ADAMTS6: variants seen among roughly 807,000 people sequenced by gnomAD.
The protein encoded by ADAMTS6 is ADAM metallopeptidase with thrombospondin type 1 motif 6, also known as A disintegrin and metalloproteinase with thrombospondin motifs 6.
In ADAMTS6, 23 loss-of-function variants were observed where a neutral mutation model predicts 144.3. That is an observed-to-expected ratio of 0.16 (90% CI 0.11 to 0.23). The LOEUF (loss-of-function observed/expected upper bound fraction) is 0.23. ADAMTS6 is among the 10% of genes least tolerant of loss of function. The pLI is 1.00. For missense variants in ADAMTS6, 999 were observed against 1,379.6 expected (o/e 0.72, Z 4.37); for synonymous variants, 444 against 457.5 (o/e 0.97, Z 0.38).
At chr5:65,174,224 C>T (rs1002963256) in intron 22 of ADAMTS6, among the ~76,000 whole-genome samples, 5 of 152,130 alleles carry the variant, frequency 3.3e-5, no homozygotes, top group Non-Finnish European at 5.9e-5. Flanking sequence ...AGCTCCTGGC[C>T]GAATAAAGCC....
chr5:65,271,756 T>C (rs1188712799), intron 12 of ADAMTS6, among the ~76,000 whole-genome samples: 4 of 152,180 alleles, frequency 2.6e-5, no homozygotes, highest in Admixed American at 2.6e-4. Flanking sequence ...TCTCCCTCTT[T>C]ATGGTTGTGT....
intron 7 of ADAMTS6, among the ~76,000 whole-genome samples, chr5:65,444,269 G>A (rs983274545): frequency 4.6e-5 from 7 of 152,120 alleles, no homozygotes; most frequent in African/African-American, 1.7e-4. Flanking sequence ...GCAGGCACCT[G>A]TAATCCCAGC....
rs1013029120 is a variant in ADAMTS6, at chr5:65,271,423, T to G, written c.1620+1917A>C. Among the ~76,000 whole-genome samples, 11 of 151,820 alleles carry G rather than the reference T, an allele frequency of 7.2e-5. No individual in the cohort carries two copies. In the East Asian group the frequency reaches 2.1e-3, roughly 29 times the overall value. The stretch of plus-strand genomic sequence containing the variant: ...ACACAAATTACATTTCCTCTCTATT[T>G]GCTTATTGAAATTTAAATTCAATAC... On this transcript the variant is annotated intron_variant, in intron 12 of 24. Transcript: ENST00000381055.
rs149664000 is a variant in ADAMTS6 at position 65,170,721 on chromosome 5, G to A, written c.3140C>T (p.Ser1047Phe). 150 of 1,614,026 alleles carry A rather than the reference G, an allele frequency of 9.3e-5. No homozygotes were observed. The highest frequency in any genetic ancestry group is 1.6e-5 in the Non-Finnish European group (19 of 1,180,040). Residue 1047 changes from serine (S) to phenylalanine (F), a missense_variant, in exon 24 of 25, where the codon TCC becomes TTC. Ser to Phe is a radical substitution (Grantham distance 155). This residue lies in a region of ADAMTS6 where 619 missense variants were observed against 837.0 expected (regional missense o/e 0.74). Transcript: ENST00000381055. ...GQQMRTVQCL[S>F]YTGQASSDCL... ...GTCACTAGATGCCTGTCCGGTGTAG[G>A]AGAGACACTGCACAGTTCTCATCTG...
chr5:65,226,228 A>G lies in ADAMTS6; in HGVS notation c.1934-9T>C. On this transcript the variant is annotated splice_polypyrimidine_tract_variant and intron_variant, in intron 15 of 24. Transcript: ENST00000381055. ...ACAAGGTTTTACCCCACCTGGACAAATACAGTAGAAGAGAAATAAGTGGAG... is the reference window on the plus strand; with the variant it reads ...ACAAGGTTTTACCCCACCTGGACAAGTACAGTAGAAGAGAAATAAGTGGAG... 1 of 1,611,496 alleles carries G rather than the reference A, an allele frequency of 6.2e-7. No homozygotes were observed. The highest frequency in any genetic ancestry group is 8.5e-7 in the Non-Finnish European group (1 of 1,178,490).
intron 7 of ADAMTS6, among the ~76,000 whole-genome samples, chr5:65,385,081 T>G (rs1048327153): frequency 1.3e-5 from 2 of 152,158 alleles, no homozygotes; most frequent in African/African-American, 4.8e-5. Context: ...ATTCACTTCC[T>G]CAAGTCTCCA....
intron 8 of ADAMTS6, among the ~76,000 whole-genome samples, 200 bp downstream of exon 8, chr5:65,333,842 T>C (rs1402829921): frequency 2.6e-5 from 4 of 150,992 alleles, no homozygotes; most frequent in Admixed American, 2.0e-4. Flanking sequence ...TTTATGATGG[T>C]AATAAATATT....
At chr5:65,452,246 AAGTC>A (rs757049748) in intron 5 of ADAMTS6, 30 bp from the exon 6 acceptor site, 1 of 1,592,926 alleles carries the variant, frequency 6.3e-7, no homozygotes, top group South Asian at 1.1e-5. Flanking sequence ...AAAAGACACA[AAGTC>A]AGACAAAAAT....
chr5:65,228,563 A>C (rs942518635), intron 15 of ADAMTS6, among the ~76,000 whole-genome samples: 2 of 152,180 alleles, frequency 1.3e-5, no homozygotes, highest in Non-Finnish European at 2.9e-5. Flanking sequence ...GGACTCCAGC[A>C]GAAAAGTTCC....
chr5:65,188,331 T>C (rs879446820), intron 21 of ADAMTS6, 111 bp from the exon 22 acceptor site: 6 of 1,011,884 alleles, frequency 5.9e-6, no homozygotes, highest in Non-Finnish European at 7.4e-6. Flanking sequence ...CATTTCAATG[T>C]TGGTTAATAA....
intron 7 of ADAMTS6, among the ~76,000 whole-genome samples, chr5:65,364,100 C>T (rs1454163687): frequency 2.0e-5 from 3 of 152,124 alleles, no homozygotes; most frequent in East Asian, 1.9e-4. Context: ...CCTGGCCAAA[C>T]GCAGTTCATC....
chr5:65,240,095 A>G (rs1759042444), intron 15 of ADAMTS6, among the ~76,000 whole-genome samples: 1 of 152,208 alleles, frequency 6.6e-6, no homozygotes, highest in African/African-American at 2.4e-5. Flanking sequence ...AACTAGAAAC[A>G]ACCCAGGTGT....
chr5:65,267,030 A>G (rs539777382), intron 12 of ADAMTS6, among the ~76,000 whole-genome samples: 1 of 152,164 alleles, frequency 6.6e-6, no homozygotes, highest in South Asian at 2.1e-4. Context: ...AATAATGAGT[A>G]GAATAATTAG....
chr5:65,430,909 C>T (rs527498412), intron 7 of ADAMTS6, among the ~76,000 whole-genome samples: 1 of 152,292 alleles, frequency 6.6e-6, no homozygotes, highest in African/African-American at 2.4e-5. Context: ...CTGTTCCTCT[C>T]TACCCCAGAT....
chr5:65,216,962 C>T (rs1030131963), intron 18 of ADAMTS6, among the ~76,000 whole-genome samples: 1 of 152,128 alleles, frequency 6.6e-6, no homozygotes, highest in African/African-American at 2.4e-5. Context: ...ACCTGATAAA[C>T]AAGTAGCCCA....
chr5:65,397,554 T>C (rs1324318413), intron 7 of ADAMTS6, among the ~76,000 whole-genome samples: 1 of 152,122 alleles, frequency 6.6e-6, no homozygotes, highest in East Asian at 1.9e-4. Context: ...TCTTCAGATT[T>C]TTCTTTTGAC....
chr5:65,402,789 T>C (rs1026804612), intron 7 of ADAMTS6, among the ~76,000 whole-genome samples: 46 of 152,086 alleles, frequency 3.0e-4, no homozygotes, highest in Admixed American at 2.0e-4. Flanking sequence ...TCATCAATTT[T>C]GGTCTAGCTT....
intron 7 of ADAMTS6, among the ~76,000 whole-genome samples, chr5:65,340,770 CAA>C (rs1380743957): frequency 6.6e-6 from 1 of 151,304 alleles, no homozygotes; most frequent in East Asian, 1.9e-4. Context: ...AAACCGAAAC[CAA>C]AAGAGAGCAG....
chr5:65,365,578 C>T (rs1476262657), intron 7 of ADAMTS6, among the ~76,000 whole-genome samples: 3 of 149,764 alleles, frequency 2.0e-5, no homozygotes, highest in Non-Finnish European at 4.4e-5. Context: ...ACCTGGGAGG[C>T]GGAGGTTTCA....
Sources: allele counts gnomAD v4.1 joint callset (sites outside exome capture counted in the v4.1 genomes callset), GRCh38; gene constraint gnomAD v4.1.1; regional missense constraint gnomAD v4.1.1; transcripts MANE v1.5; gene names NCBI Gene and HGNC (gene_info 2026-07-23, HGNC 2026-07-21).